Variants in UNC13B observed in about 807,000 individuals in gnomAD.
UNC13B encodes the protein unc-13 homolog B.
A neutral mutation model predicts 211.0 loss-of-function variants in UNC13B; 144 were observed. That is an observed-to-expected ratio of 0.68 (90% CI 0.60 to 0.78). The LOEUF (loss-of-function observed/expected upper bound fraction) is 0.78. Ranked by LOEUF, UNC13B falls within the 30% of genes least tolerant of loss-of-function variation. The pLI, the probability that UNC13B is intolerant of heterozygous loss-of-function variation, is 0.00. For missense variants in UNC13B, 1,777 were observed against 2,002.0 expected, an observed-to-expected ratio of 0.89 and a Z score of 2.14; for synonymous variants, 709 against 725.8, an observed-to-expected ratio of 0.98 and a Z score of 0.37.
At chr9:35,187,341 C>T (rs2381221) in intron 1 of UNC13B, among the ~76,000 whole-genome samples, 86,897 of 152,060 alleles carry the variant, frequency 0.57, 25,166 homozygotes, top group African/African-American at 0.61. Flanking sequence ...CAGCTTTTTA[C>T]ATTGCCCATT....
intron 7 of UNC13B, among the ~76,000 whole-genome samples, chr9:35,280,891 A>T (rs1210657499): frequency 6.6e-6 from 1 of 152,208 alleles, no homozygotes; most frequent in Non-Finnish European, 1.5e-5. Context: ...TCAAAGTTTC[A>T]TTTGCTAGCA....
Position 35,404,107 on chromosome 9 carries a change from C to T in UNC13B, c.*74C>T, listed in dbSNP as rs570905558. 4.5e-6 allele frequency: 7 copies of T among 1,549,942 alleles called. No homozygotes were observed. In the African/African-American group the frequency reaches 6.8e-5, roughly 15 times the overall value. On this transcript the variant is annotated 3_prime_UTR_variant, in exon 40 of 40. Coordinates refer to ENST00000635942, the MANE Select transcript of UNC13B (RefSeq NM_001371189.2). ...GGGCCAGTGGGAGTTAGCTGTGTAA[C>T]CGGCTTAGGGTCTTTGCAGTCAAGA... is the stretch of plus-strand genomic sequence containing the variant.
At chr9:35,190,534 A>G (rs909329673) in intron 1 of UNC13B, among the ~76,000 whole-genome samples, 4 of 152,056 alleles carry the variant, frequency 2.6e-5, no homozygotes, top group Non-Finnish European at 5.9e-5. Flanking sequence ...CATGAGGAAA[A>G]CAGTTTTTTT....
intron 11 of UNC13B, among the ~76,000 whole-genome samples, chr9:35,358,920 G>A (rs1358976374): frequency 4.6e-5 from 7 of 151,810 alleles, no homozygotes; most frequent in South Asian, 2.1e-4. Flanking sequence ...GGCTGGTCTC[G>A]AACTCCTGAC....
At chr9:35,371,407 C>T (rs1229445862) in intron 13 of UNC13B, among the ~76,000 whole-genome samples, 3 of 150,556 alleles carry the variant, frequency 2.0e-5, no homozygotes, top group South Asian at 2.1e-4. Flanking sequence ...CTCAAACTCC[C>T]GGGCTCAAGT....
In UNC13B at chr9:35,191,754, C is replaced by T. The variant is rs549498501; in HGVS notation, c.22+29449C>T. Among the ~76,000 whole-genome samples the T allele has an allele frequency of 2.2e-4, 34 of 152,318 alleles. No individual in the cohort carries two copies. In the South Asian group the frequency reaches 6.2e-3, roughly 28 times the overall value. ...CAGAGACTAAAACAAAGTATTGCCACGTGGTTACACGTCATGTTTCCAAGT... is the reference window on the plus strand; with the variant it reads ...CAGAGACTAAAACAAAGTATTGCCATGTGGTTACACGTCATGTTTCCAAGT... On this transcript the variant is annotated intron_variant, in intron 1 of 39. Transcript: ENST00000635942.
At position 35,302,299 on chromosome 9, in the gene UNC13B, A is replaced by C. The variant is rs1829723936; in HGVS notation, c.2895A>C (p.Ser965=). 2.5e-6 allele frequency: 1 copy of C among 398,560 alleles called. No homozygotes were observed. Among genetic ancestry groups the C allele is most frequent in the Admixed American group, 4.4e-5 (1 of 22,700 alleles). 24.7% of individuals were successfully genotyped at this position (398,560 alleles called of 1,614,324 possible). Reference sequence around the variant, plus strand: ...GTCCTGAAGATGCCAAACTTAATTCAATAAAATCTAGTTCAGTTCCAAATA... The same window carrying C: ...GTCCTGAAGATGCCAAACTTAATTCCATAAAATCTAGTTCAGTTCCAAATA... ...INCPEDAKLN[S]IKSSSVPNIH... is the part of the protein sequence containing the mutation. The change falls in exon 9 of 40, where the codon TCA becomes TCC. Residue 965 remains serine, a synonymous_variant. Coordinates refer to ENST00000635942, the MANE Select transcript of UNC13B (RefSeq NM_001371189.2).
chr9:35,369,177 C>G (rs769150122), intron 12 of UNC13B, among the ~76,000 whole-genome samples: 2 of 152,042 alleles, frequency 1.3e-5, no homozygotes, highest in Non-Finnish European at 2.9e-5. Flanking sequence ...TGGACTTGAC[C>G]CAATTTGTGG....
At chr9:35,353,373 A>G (rs1373420364) in intron 11 of UNC13B, 2 of 1,232,116 alleles carry the variant, frequency 1.6e-6, no homozygotes, top group Non-Finnish European at 2.0e-6. Context: ...CTGGAAAGCA[A>G]TGAGAGTGGT....
intron 11 of UNC13B, among the ~76,000 whole-genome samples, chr9:35,357,194 A>G (rs1439335632): frequency 6.6e-6 from 1 of 152,172 alleles, no homozygotes; most frequent in Non-Finnish European, 1.5e-5. Flanking sequence ...TTACATTCCC[A>G]CCCGTAACAT....
rs185064775 is a variant in UNC13B at position 35,182,482 on chromosome 9, T to A, written c.22+20177T>A. Among the ~76,000 whole-genome samples, 625 of 152,022 alleles carry A rather than the reference T, an allele frequency of 4.1e-3. 3 individuals carry two copies. The highest frequency in any genetic ancestry group is 0.014 in the African/African-American group (597 of 41,538). The stretch of plus-strand genomic sequence containing the variant: ...TTTATTTATTTTTATTTTTATTTTT[T>A]TTAGTATTTATTGATCATTCTTGGG... On this transcript the variant is annotated intron_variant, in intron 1 of 39. Transcript: ENST00000635942.
chr9:35,203,845 A>C (rs1444384346), intron 1 of UNC13B, among the ~76,000 whole-genome samples: 1 of 152,260 alleles, frequency 6.6e-6, no homozygotes, highest in African/African-American at 2.4e-5. Context: ...TTTTCAGTGG[A>C]GGAATTCAAT....
At chr9:35,228,568 C>G (rs777544019) in intron 2 of UNC13B, among the ~76,000 whole-genome samples, 17 of 151,752 alleles carry the variant, frequency 1.1e-4, no homozygotes, top group Non-Finnish European at 2.5e-4. Flanking sequence ...GTTCATGAAC[C>G]TGTTTCAGCT....
intron 17 of UNC13B, 113 bp from the exon 18 acceptor site, chr9:35,380,357 C>A: frequency 2.4e-6 from 2 of 824,132 alleles, no homozygotes; most frequent in Admixed American, 5.0e-5. Context: ...TCTGACTTCT[C>A]CTCTTTCAGG....
chr9:35,366,225 G>T (rs1007127420), intron 11 of UNC13B, among the ~76,000 whole-genome samples: 1 of 152,176 alleles, frequency 6.6e-6, no homozygotes. Context: ...CTGCTTGAAG[G>T]ATTTGCTTTT....
At position 35,396,602 on chromosome 9, in the gene UNC13B, C is replaced by T. The variant is rs138905819; in HGVS notation, c.11435C>T (p.Ala3812Val). The change falls in exon 27 of 40, where the codon GCG (alanine) becomes GTG (valine). Residue 3812 changes from alanine to valine, a missense_variant and splice_region_variant. Transcript: ENST00000635942. ...VLQGQVPEYPAWFEQFVLQWL... is the reference protein window; with the variant it reads ...VLQGQVPEYPVWFEQFVLQWL... ...CAGGGGCAGGTGCCTGAGTACCCAG[C>T]GTGAGTCATCATGTGGGCACTACAG... is the stretch of plus-strand genomic sequence containing the variant. The T allele has an allele frequency of 5.4e-5, 87 of 1,613,784 alleles. No homozygotes were observed. Among genetic ancestry groups the T allele is most frequent in the African/African-American group, 5.3e-4 (40 of 74,986 alleles).
intron 11 of UNC13B, among the ~76,000 whole-genome samples, chr9:35,356,291 T>C (rs1833015973): frequency 6.6e-6 from 1 of 152,168 alleles, no homozygotes; most frequent in Non-Finnish European, 1.5e-5. Flanking sequence ...TTTTGAAAAC[T>C]CTGCTTTCTT....
chr9:35,166,607 A>G (rs1166375403), intron 1 of UNC13B, among the ~76,000 whole-genome samples: 2 of 152,094 alleles, frequency 1.3e-5, no homozygotes, highest in East Asian at 3.9e-4. Flanking sequence ...CATCACGAGT[A>G]GCTGGGACTA....
chr9:35,306,502 C>A lies in UNC13B; in HGVS notation c.7098C>A (p.Ala2366=). 2.5e-6 allele frequency: 1 copy of A among 399,042 alleles called. No individual in the cohort carries two copies. The highest frequency in any genetic ancestry group is 4.4e-6 in the Non-Finnish European group (1 of 226,066). The allele number at this position is 399,042 out of a possible 1,614,324, so 24.7% of individuals were successfully genotyped here. Residue 2366 remains alanine (A), a synonymous_variant, in exon 9 of 40, where the codon GCC becomes GCA. Coordinates refer to ENST00000635942, the MANE Select transcript of UNC13B (RefSeq NM_001371189.2). ...PHEEEAFNHK[A]FPSDSLSNSF... ...AAGAAGAGGCTTTCAACCACAAAGC[C>A]TTCCCCAGTGACTCACTGTCCAACT...
Sources: allele counts gnomAD v4.1 joint callset (sites outside exome capture counted in the v4.1 genomes callset), GRCh38; gene constraint gnomAD v4.1.1; transcripts MANE v1.5; gene names NCBI Gene and HGNC (gene_info 2026-07-23, HGNC 2026-07-21).